Variants in PDE10A observed in about 807,000 individuals in gnomAD.
PDE10A encodes the protein cAMP and cAMP-inhibited cGMP 3',5'-cyclic phosphodiesterase 10A.
In PDE10A, 39 loss-of-function variants were observed where a neutral mutation model predicts 97.7. The observed-to-expected ratio is 0.40, with a 90% CI of 0.31 to 0.52. The LOEUF is 0.52. Ranked by LOEUF, PDE10A falls within the 20% of genes least tolerant of loss-of-function variation. The pLI is 0.56. For missense variants in PDE10A, 731 were observed against 1,047.8 expected, an observed-to-expected ratio of 0.70 and a Z score of 4.17; for synonymous variants, 371 against 376.8, an observed-to-expected ratio of 0.98 and a Z score of 0.18.
At chr6:165,533,352 C>T (rs1335554220) in intron 2 of PDE10A, among the ~76,000 whole-genome samples, 2 of 152,080 alleles carry the variant, frequency 1.3e-5, no homozygotes, top group African/African-American at 2.4e-5. Flanking sequence ...GCCTACTTCA[C>T]CTAGGCTATA....
chr6:165,663,503 C>T (rs1382449914), upstream of PDE10A, among the ~76,000 whole-genome samples: 2 of 152,340 alleles, frequency 1.3e-5, no homozygotes, highest in African/African-American at 4.8e-5. Flanking sequence ...CGAGCCACGT[C>T]GGCCTGCCCG....
Position 165,737,490 on chromosome 6 carries a change from T to C in PDE10A, c.-614-193922A>G, listed in dbSNP as rs2934852. On this transcript the variant is annotated intron_variant, in intron 1 of 19. Coordinates refer to the PDE10A transcript ENST00000366882. Reference sequence around the variant, plus strand: ...GGAATGCAATGAATTTCCAAGGAATTCAACATGTGCAAATCCATAAAGGTG... The same window carrying C: ...GGAATGCAATGAATTTCCAAGGAATCCAACATGTGCAAATCCATAAAGGTG... Among the ~76,000 whole-genome samples the C allele has an allele frequency of 6.3e-3, 956 of 152,258 alleles. 13 individuals are homozygous for C. Among genetic ancestry groups the C allele is most frequent in the African/African-American group, 0.022 (914 of 41,542 alleles).
chr6:165,849,576 A>C (rs1317253881), intron 1 of PDE10A, among the ~76,000 whole-genome samples: 1 of 152,196 alleles, frequency 6.6e-6, no homozygotes, highest in Non-Finnish European at 1.5e-5. Flanking sequence ...CACCTCATGT[A>C]TTCCATTCGC....
chr6:165,666,476 G>A (rs956929168), upstream of PDE10A, among the ~76,000 whole-genome samples: 9 of 152,076 alleles, frequency 5.9e-5, no homozygotes, highest in South Asian at 4.1e-4. Context: ...AATTATGTGC[G>A]TTTTACATAT....
In PDE10A at chr6:165,459,578, G is replaced by GAT. The variant is rs34327523; in HGVS notation, c.1024-9218_1024-9217dup. On this transcript the variant is annotated intron_variant, in intron 3 of 21. Transcript: ENST00000539869. ...ACAGACAGATAGATAGATAATGATA[G>GAT]ATATATATATATATATAATATAGAT... Among the ~76,000 whole-genome samples the GAT allele has an allele frequency of 2.3e-3, 346 of 148,982 alleles. 1 individual carries two copies. Among genetic ancestry groups the GAT allele is most frequent in the East Asian group, 0.011 (56 of 5,050 alleles).
chr6:165,649,364 G>A (rs1251794385), intron 1 of PDE10A, among the ~76,000 whole-genome samples: 1 of 152,132 alleles, frequency 6.6e-6, no homozygotes, highest in Non-Finnish European at 1.5e-5. Flanking sequence ...AGGGGGAAGA[G>A]TCAGTGAGGG....
intron 2 of PDE10A, among the ~76,000 whole-genome samples, chr6:165,524,046 T>C (rs1280709102): frequency 1.3e-5 from 2 of 152,170 alleles, no homozygotes; most frequent in Non-Finnish European, 2.9e-5. Context: ...AGCCTACATC[T>C]TTCTCCCATG....
At position 165,798,554 on chromosome 6, in the gene PDE10A, G is replaced by A. The variant is rs113680775; in HGVS notation, c.-615+188975C>T. On this transcript the variant is annotated intron_variant, in intron 1 of 19. Transcript: ENST00000366882. ...TAAAATAGCATTTAACTCCGAAAACGGTACCTAAAGGCAGGAGTATGGTTG... is the reference window on the plus strand; with the variant it reads ...TAAAATAGCATTTAACTCCGAAAACAGTACCTAAAGGCAGGAGTATGGTTG... Among the ~76,000 whole-genome samples, 845 of 152,168 alleles carry A rather than the reference G, an allele frequency of 5.6e-3. 10 individuals carry two copies. The highest frequency in any genetic ancestry group is 0.019 in the African/African-American group (794 of 41,520).
intron 1 of PDE10A, among the ~76,000 whole-genome samples, chr6:165,811,708 C>T (rs941968071): frequency 7.2e-5 from 11 of 152,304 alleles, no homozygotes; most frequent in Admixed American, 6.5e-4. Flanking sequence ...GGGAGGGGGG[C>T]TCTGTCCTGT....
At chr6:165,513,789 ATTTC>A (rs1562536532) in intron 2 of PDE10A, among the ~76,000 whole-genome samples, 1 of 152,072 alleles carries the variant, frequency 6.6e-6, no homozygotes, top group Non-Finnish European at 1.5e-5. Context: ...GTGAATTTTA[ATTTC>A]TTTCAGATTG....
chr6:165,670,187 G>A (rs4282383), intron 1 of PDE10A, among the ~76,000 whole-genome samples: 60,109 of 152,062 alleles, frequency 0.4, 12,678 homozygotes, highest in Non-Finnish European at 0.46. Context: ...TCGATTTTGT[G>A]TATCCCTTCC....
At chr6:165,412,030 A>AT (rs148655360) in intron 13 of PDE10A, among the ~76,000 whole-genome samples, 3,591 of 150,304 alleles carry the variant, frequency 0.024, 142 homozygotes, top group African/African-American at 0.081. Flanking sequence ...AAAGTTTTCA[A>AT]TTTTTTTTTT....
chr6:165,466,103 AAC>A (rs1313551232), intron 3 of PDE10A, among the ~76,000 whole-genome samples: 1 of 152,232 alleles, frequency 6.6e-6, no homozygotes, highest in Non-Finnish European at 1.5e-5. Flanking sequence ...CTAATTTGAA[AAC>A]ACATCATTAG....
chr6:165,618,275 G>GTCTGT (rs1787819154), intron 1 of PDE10A, among the ~76,000 whole-genome samples: 1 of 152,002 alleles, frequency 6.6e-6, no homozygotes, highest in Non-Finnish European at 1.5e-5. Context: ...AATGTAACAA[G>GTCTGT]AATTTAACTT....
At chr6:165,790,701 A>C (rs979789938) in intron 1 of PDE10A, among the ~76,000 whole-genome samples, 1 of 152,014 alleles carries the variant, frequency 6.6e-6, no homozygotes, top group Non-Finnish European at 1.5e-5. Context: ...TCTTGCTCTC[A>C]TTCACTGTGG....
chr6:165,969,367 G>T (rs1784604621), intron 1 of PDE10A, among the ~76,000 whole-genome samples: 1 of 152,142 alleles, frequency 6.6e-6, no homozygotes, highest in Non-Finnish European at 1.5e-5. Flanking sequence ...TCCTCACTGG[G>T]GAGGGCGTGG....
At chr6:165,848,785 C>T (rs973228177) in intron 1 of PDE10A, among the ~76,000 whole-genome samples, 20 of 152,090 alleles carry the variant, frequency 1.3e-4, no homozygotes, top group Non-Finnish European at 1.9e-4. Flanking sequence ...GGTTAATCAG[C>T]GACTTCAAGA....
intron 1 of PDE10A, among the ~76,000 whole-genome samples, chr6:165,602,313 C>G (rs778253452): frequency 6.6e-6 from 1 of 152,160 alleles, no homozygotes; most frequent in African/African-American, 2.4e-5. Flanking sequence ...TCTTTCTCAA[C>G]CAAGAGCCCT....
At chr6:165,590,382 T>C (rs558983913) in intron 1 of PDE10A, among the ~76,000 whole-genome samples, 19 of 152,356 alleles carry the variant, frequency 1.2e-4, no homozygotes, top group Admixed American at 9.8e-4. Context: ...AGGCGTCTGC[T>C]TCCAGAGTCA....
Sources: allele counts gnomAD v4.1 joint callset (sites outside exome capture counted in the v4.1 genomes callset), GRCh38; gene constraint gnomAD v4.1.1; transcripts MANE v1.5; gene names NCBI Gene and HGNC (gene_info 2026-07-23, HGNC 2026-07-21).